The following PADI3 variants were observed in gnomAD, a reference collection of about 807,000 sequenced individuals.
PADI3 encodes the protein protein-arginine deiminase type-3.
Under a neutral mutation model 71.5 loss-of-function variants are expected in PADI3, and 53 were observed. The observed-to-expected ratio is 0.74, with a 90% CI of 0.59 to 0.93. The LOEUF is 0.93. Ranked by LOEUF, PADI3 falls within the 40% of genes least tolerant of loss-of-function variation. PADI3 has a pLI of 0.00. For synonymous variants in PADI3, 361 were observed against 347.5 expected (o/e 1.04, Z -0.43); for missense variants, 821 against 868.0 (o/e 0.95, Z 0.68).
In PADI3 at chr1:17,253,421, C is replaced by G. The variant is rs115770303; in HGVS notation, c.92+4192C>G. ...GAGCGGGTGCACAGCTCTCGCACCT[C>G]AGAATGACCTCAAGTAACAGCACAT... On this transcript the variant is annotated intron_variant, in intron 1 of 15. Coordinates refer to ENST00000375460, the MANE Select transcript of PADI3 (RefSeq NM_016233.2). 7.3e-3 allele frequency among the ~76,000 whole-genome samples: 1,111 copies of G among 152,316 alleles called. 20 individuals carry two copies. Among genetic ancestry groups the G allele is most frequent in the African/African-American group, 0.024 (1,018 of 41,566 alleles).
intron 9 of PADI3, among the ~76,000 whole-genome samples, chr1:17,272,725 T>C (rs1324454618): frequency 1.3e-5 from 2 of 152,062 alleles, no homozygotes; most frequent in Non-Finnish European, 2.9e-5. Flanking sequence ...CTCAAACTCC[T>C]GGCCTCAAGC....
rs750156839 is a variant in PADI3 at position 17,271,097 on chromosome 1, G to C, written c.966G>C (p.Ala322=). 1 of 1,614,052 alleles carries C rather than the reference G, an allele frequency of 6.2e-7. No individual in the cohort carries two copies. Among genetic ancestry groups the C allele is most frequent in the Non-Finnish European group, 8.5e-7 (1 of 1,180,008 alleles). Residue 322 remains alanine (A), a synonymous_variant, in exon 9 of 16, where the codon GCG becomes GCC. Transcript: ENST00000375460. ...GGAACAACACGTGTTTTGTGGATGC[G>C]GTGGCAGAGCTGGCCAGGAAGGCCG... ...RVRNNTCFVD[A]VAELARKAGC...
At position 17,274,715 on chromosome 1, in the gene PADI3, CA is replaced by C. The variant is rs1260525647; in HGVS notation, c.1237del (p.Ser413AlafsTer63). 2.5e-6 allele frequency: 4 copies of C among 1,613,924 alleles called. No individual in the cohort carries two copies. The highest frequency in any genetic ancestry group is 3.4e-6 in the Non-Finnish European group (4 of 1,179,962). ...TGGACTCCTTTGGGAACCTGGAGGTCAGCCCTCCAGTGGTGGCCAATGGGAA... is the reference window on the plus strand; with the variant it reads ...TGGACTCCTTTGGGAACCTGGAGGTCGCCCTCCAGTGGTGGCCAATGGGAA... ...GLDSFGNLEV[S>X]PPVVANGKEY... On this transcript the variant is annotated frameshift_variant, in exon 11 of 16. Coordinates refer to ENST00000375460, the MANE Select transcript of PADI3 (RefSeq NM_016233.2). LOFTEE classifies it high-confidence loss of function.
Position 17,282,831 on chromosome 1 carries a change from C to T in PADI3, c.1762-15C>T. 4 of 1,590,936 alleles carry T rather than the reference C, an allele frequency of 2.5e-6. No homozygotes were observed. The highest frequency in any genetic ancestry group is 3.4e-6 in the Non-Finnish European group (4 of 1,165,696). ...GAGCCCAGTGATGAAGTGCTGCTTC[C>T]CCTTTGGACTGCAGGTGAACATGCT... On this transcript the variant is annotated splice_polypyrimidine_tract_variant and intron_variant, in intron 15 of 15. Coordinates refer to ENST00000375460, the MANE Select transcript of PADI3 (RefSeq NM_016233.2).
At chr1:17,264,719 A>C (rs2073143733) in intron 3 of PADI3, among the ~76,000 whole-genome samples, 1 of 152,120 alleles carries the variant, frequency 6.6e-6, no homozygotes, top group African/African-American at 2.4e-5. Context: ...CATGTTTAAA[A>C]ATCATTTCAG....
intron 1 of PADI3, among the ~76,000 whole-genome samples, chr1:17,252,861 T>C (rs1448012513): frequency 6.6e-6 from 1 of 152,144 alleles, no homozygotes. Context: ...CTGGAGTCTG[T>C]TGGGTTGTGG....
intron 11 of PADI3, 129 bp downstream of exon 11, chr1:17,274,915 C>A: frequency 1.0e-6 from 1 of 1,004,014 alleles, no homozygotes; most frequent in Non-Finnish European, 1.4e-6. Flanking sequence ...AATTATACTC[C>A]CGGATGTGCT....
At chr1:17,267,641 A>G (rs2073188063) in intron 5 of PADI3, among the ~76,000 whole-genome samples, 196 bp from the exon 6 acceptor site, 1 of 151,544 alleles carries the variant, frequency 6.6e-6, no homozygotes, top group Non-Finnish European at 1.5e-5. Context: ...TCTCTGGGCA[A>G]TTGAGGAAAC....
In PADI3 at chr1:17,262,625, A is replaced by G. The variant is rs145956877; in HGVS notation, c.346+420A>G. Among the ~76,000 whole-genome samples, 1,229 of 152,180 alleles carry G rather than the reference A, an allele frequency of 8.1e-3. 13 individuals are homozygous for G. The highest frequency in any genetic ancestry group is 0.014 in the Middle Eastern group (4 of 294). On this transcript the variant is annotated intron_variant, in intron 3 of 15. Coordinates refer to ENST00000375460, the MANE Select transcript of PADI3 (RefSeq NM_016233.2). ...ATGAACAGATGGGGAATTTCAACAGAGAAGAAAATCAATAAGAAAGAGTCA... is the reference window on the plus strand; with the variant it reads ...ATGAACAGATGGGGAATTTCAACAGGGAAGAAAATCAATAAGAAAGAGTCA...
intron 15 of PADI3, among the ~76,000 whole-genome samples, chr1:17,281,827 G>C (rs530141810): frequency 2.6e-5 from 4 of 152,204 alleles, no homozygotes; most frequent in African/African-American, 7.2e-5. Flanking sequence ...TGATTCAGCA[G>C]GTCTAAAGCA....
intron 2 of PADI3, 51 bp downstream of exon 2, chr1:17,259,809 C>G: frequency 6.6e-7 from 1 of 1,506,372 alleles, no homozygotes; most frequent in Non-Finnish European, 9.1e-7. Flanking sequence ...AGGCAGCTGT[C>G]TAGCTCTAGG....
chr1:17,275,470 A>G (rs1226157657), intron 11 of PADI3, among the ~76,000 whole-genome samples: 1 of 151,866 alleles, frequency 6.6e-6, no homozygotes, highest in East Asian at 1.9e-4. Flanking sequence ...GTAACAAAGA[A>G]AAAGTTTCCA....
At position 17,282,427 on chromosome 1, in the gene PADI3, A is replaced by G. The variant is rs191061774; in HGVS notation, c.1762-419A>G. The stretch of plus-strand genomic sequence containing the variant: ...GACAAAGATGAGTATGGCCATGCAC[A>G]GAGACACTGACACGGGCAGAGACCA... On this transcript the variant is annotated intron_variant, in intron 15 of 15. Transcript: ENST00000375460. Among the ~76,000 whole-genome samples the G allele has an allele frequency of 3.5e-3, 536 of 152,252 alleles. 4 individuals carry two copies. Among genetic ancestry groups the G allele is most frequent in the Admixed American group, 4.1e-3 (63 of 15,282 alleles).
intron 1 of PADI3, among the ~76,000 whole-genome samples, chr1:17,255,154 G>C (rs1340594180): frequency 6.6e-6 from 1 of 152,230 alleles, no homozygotes; most frequent in East Asian, 1.9e-4. Context: ...AATAAGGTGG[G>C]TCTGAGGTTG....
chr1:17,251,861 A>T (rs1043165893), intron 1 of PADI3, among the ~76,000 whole-genome samples: 1 of 152,196 alleles, frequency 6.6e-6, no homozygotes. Flanking sequence ...CATATGCAGG[A>T]TGTCTGGGGA....
intron 3 of PADI3, among the ~76,000 whole-genome samples, chr1:17,263,391 G>A (rs1172957004): frequency 6.6e-6 from 1 of 151,572 alleles, no homozygotes; most frequent in East Asian, 1.9e-4. Flanking sequence ...AATTGGTATA[G>A]AGCAATAGAG....
intron 10 of PADI3, among the ~76,000 whole-genome samples, chr1:17,274,344 T>G (rs977356069): frequency 6.6e-6 from 1 of 152,198 alleles, no homozygotes. Flanking sequence ...GGCCATGGCC[T>G]CAGGCTCCAT....
At position 17,262,141 on chromosome 1, in the gene PADI3, T is replaced by C. The variant is rs2073109686; in HGVS notation, c.282T>C (p.Ile94=). The C allele has an allele frequency of 1.9e-6, 3 of 1,613,626 alleles. No individual in the cohort carries two copies. In the East Asian group the frequency reaches 6.7e-5, roughly 36 times the overall value. ...CGCCCAACTCTCCACAGGTTCAGAT[T>C]TCCTACCACTCCAGCCATGAGCCTC... ...SNDLNDSHVQ[I]SYHSSHEPLP... The change falls in exon 3 of 16, where the codon ATT becomes ATC. Residue 94 remains isoleucine, a synonymous_variant. Transcript: ENST00000375460.
At chr1:17,265,534 C>T (rs1470425894) in intron 3 of PADI3, 125 bp from the exon 4 acceptor site, 4 of 830,992 alleles carry the variant, frequency 4.8e-6, no homozygotes, top group African/African-American at 1.7e-5. Context: ...GATGCCCTCA[C>T]CTCTTGGATG....
Sources: allele counts gnomAD v4.1 joint callset (sites outside exome capture counted in the v4.1 genomes callset), GRCh38; gene constraint gnomAD v4.1.1; transcripts MANE v1.5; gene names NCBI Gene and HGNC (gene_info 2026-07-23, HGNC 2026-07-21).